Variants in MIA2 observed in about 807,000 individuals in gnomAD.
The protein encoded by MIA2 is MIA SH3 domain ER export factor 2.
A neutral mutation model predicts 167.8 loss-of-function variants in MIA2; 127 were observed. That is an observed-to-expected ratio of 0.76 (90% CI 0.66 to 0.88). The LOEUF (loss-of-function observed/expected upper bound fraction) is 0.88, where lower values mean the gene tolerates loss of function less well. Ranked by LOEUF, MIA2 falls within the 40% of genes least tolerant of loss-of-function variation. The pLI is 0.00. For missense variants in MIA2, 1,690 were observed against 1,624.7 expected, an observed-to-expected ratio of 1.04 and a Z score of -0.69; for synonymous variants, 552 against 541.9, an observed-to-expected ratio of 1.02 and a Z score of -0.26.
chr14:39,344,559 C>G (rs8010635), intron 25 of MIA2, among the ~76,000 whole-genome samples: 141,670 of 152,266 alleles, frequency 0.93, 66,001 homozygotes, highest in East Asian at 0.96. Flanking sequence ...TATTGACTCT[C>G]GTTGATGCCA....
At chr14:39,252,240 G>A (rs1361332545) in intron 4 of MIA2, among the ~76,000 whole-genome samples, 3 of 152,130 alleles carry the variant, frequency 2.0e-5, no homozygotes, top group African/African-American at 4.8e-5. Flanking sequence ...CCTTGCAGAT[G>A]TGATTAGGGA....
rs774373731 is a variant in MIA2 at position 39,247,170 on chromosome 14, T to C, written c.596T>C (p.Val199Ala). Reference sequence around the variant, plus strand: ...AGTGAATCAAAAGACTGGGAAGAAGTAGTTGTTGAAAGTATGGAACAGGAT... The same window carrying C: ...AGTGAATCAAAAGACTGGGAAGAAGCAGTTGTTGAAAGTATGGAACAGGAT... ...STSESKDWEE[V>A]VVESMEQDRI... Residue 199 changes from valine to alanine, a missense_variant, in exon 4 of 29, where the codon GTA becomes GCA. Physicochemically the swap from Val to Ala is moderately conservative, Grantham distance 64. Coordinates refer to ENST00000640607, the MANE Select transcript of MIA2 (RefSeq NM_001329214.4). The C allele has an allele frequency of 1.9e-6, 3 of 1,613,990 alleles. No individual in the cohort carries two copies. Among genetic ancestry groups the C allele is most frequent in the Non-Finnish European group, 2.5e-6 (3 of 1,180,010 alleles).
At position 39,234,127 on chromosome 14, in the gene MIA2, G is replaced by A. The variant is rs1162180340; in HGVS notation, c.13G>A (p.Gly5Ser). Reference sequence around the variant, plus strand: ...TGCTTGTTTTAGCATGGCAAAATTTGGCGTTCACAGAATCCTTCTTCTGGC... The same window carrying A: ...TGCTTGTTTTAGCATGGCAAAATTTAGCGTTCACAGAATCCTTCTTCTGGC... The part of the protein sequence containing the change: MAKF[G>S]VHRILLLAIS... The change falls in exon 1 of 29, where the codon GGC becomes AGC. Residue 5 changes from glycine (G) to serine (S), a missense_variant. Coordinates refer to ENST00000640607, the MANE Select transcript of MIA2 (RefSeq NM_001329214.4). 2 of 1,601,706 alleles carry A rather than the reference G, an allele frequency of 1.2e-6. No homozygotes were observed. The highest frequency in any genetic ancestry group is 4.6e-5 in the East Asian group (2 of 43,890).
intron 23 of MIA2, among the ~76,000 whole-genome samples, chr14:39,319,923 G>A (rs1426767264): frequency 6.6e-6 from 1 of 151,896 alleles, no homozygotes; most frequent in Non-Finnish European, 1.5e-5. Flanking sequence ...AGCTTCTAAG[G>A]TACTGAAAAA....
chr14:39,301,669 C>T (rs1369713922), intron 14 of MIA2, among the ~76,000 whole-genome samples: 7 of 152,310 alleles, frequency 4.6e-5, no homozygotes, highest in Non-Finnish European at 8.8e-5. Flanking sequence ...CTCTAATGTT[C>T]CATTCAAATT....
intron 23 of MIA2, among the ~76,000 whole-genome samples, chr14:39,377,894 C>A (rs1010099912): frequency 6.6e-6 from 1 of 151,958 alleles, no homozygotes; most frequent in Non-Finnish European, 1.5e-5. Context: ...TGGGTGAATT[C>A]TTCTCTTTTT....
chr14:39,253,844 A>G (rs1407826584), intron 6 of MIA2, among the ~76,000 whole-genome samples: 1 of 152,174 alleles, frequency 6.6e-6, no homozygotes, highest in Non-Finnish European at 1.5e-5. Flanking sequence ...TTGCAAAAGG[A>G]CTAGCTGTAG....
chr14:39,247,362 A>C lies in MIA2; in HGVS notation c.788A>C (p.Asp263Ala), dbSNP rs2054360298. The change falls in exon 4 of 29, where the codon GAC (aspartate) becomes GCC (alanine). Residue 263 changes from aspartate to alanine, a missense_variant. By Grantham distance (126) the Asp-to-Ala change is moderately radical. Coordinates refer to ENST00000640607, the MANE Select transcript of MIA2 (RefSeq NM_001329214.4). ...SRKIAVEDENDLEELNNGEPQ... is the reference protein window; with the variant it reads ...SRKIAVEDENALEELNNGEPQ... ...AAAATAGCAGTGGAAGATGAGAATG[A>C]CCTAGAGGAATTAAATAATGGTGAG... The C allele has an allele frequency of 6.2e-7, 1 of 1,614,122 alleles. No homozygotes were observed. Among genetic ancestry groups the C allele is most frequent in the Admixed American group, 1.7e-5 (1 of 60,016 alleles).
chr14:39,294,859 T>G (rs1409775552), intron 12 of MIA2, 66 bp from the exon 13 acceptor site: 1 of 1,007,372 alleles, frequency 9.9e-7, no homozygotes, highest in African/African-American at 1.6e-5. Flanking sequence ...TTCTAGGGAG[T>G]ATGTGTAAAG....
intron 17 of MIA2, among the ~76,000 whole-genome samples, chr14:39,306,920 A>G (rs534514514): frequency 6.6e-6 from 1 of 152,312 alleles, no homozygotes; most frequent in African/African-American, 2.4e-5. Context: ...GGTTTTTAAA[A>G]AAATTGATGC....
chr14:39,321,084 C>G, intron 24 of MIA2, 28 bp downstream of exon 24: 2 of 1,584,272 alleles, frequency 1.3e-6, no homozygotes, highest in South Asian at 2.3e-5. Context: ...CTTTATTACT[C>G]TAGATTTCTT....
chr14:39,279,600 G>C (rs1386076868), intron 9 of MIA2, 63 bp downstream of exon 9: 1 of 1,039,204 alleles, frequency 9.6e-7, no homozygotes, highest in Non-Finnish European at 1.4e-6. Context: ...TCTCACTGTA[G>C]GTACTTCTGT....
chr14:39,283,074 C>T (rs1023221287), intron 9 of MIA2, among the ~76,000 whole-genome samples: 5 of 152,204 alleles, frequency 3.3e-5, no homozygotes, highest in Non-Finnish European at 5.9e-5. Context: ...GCAGGATCTC[C>T]ACCTTTTTAT....
chr14:39,241,910 T>C (rs2054059830), intron 3 of MIA2, among the ~76,000 whole-genome samples: 1 of 152,184 alleles, frequency 6.6e-6, no homozygotes, highest in African/African-American at 2.4e-5. Flanking sequence ...TCTGGACTTT[T>C]GACTGTTCTT....
chr14:39,318,065 T>C, intron 22 of MIA2, 54 bp downstream of exon 22: 1 of 1,288,354 alleles, frequency 7.8e-7, no homozygotes, highest in African/African-American at 1.5e-5. Flanking sequence ...TTTCGTTAAT[T>C]AGGTAATACT....
chr14:39,298,443 A>ATGTATATATATATATATATATATATATGT lies in MIA2; in HGVS notation c.2497-1421_2497-1420insTGTATATATATATATATATATATATATGT, dbSNP rs1372100362. Among the ~76,000 whole-genome samples the ATGTATATATATATATATATATATATATGT allele has an allele frequency of 4.0e-5, 2 of 50,056 alleles. 1 individual carries two copies. The highest frequency in any genetic ancestry group is 7.1e-5 in the Non-Finnish European group (2 of 28,260). The allele number at this position is 50,056 out of a possible 152,430, so 32.8% of individuals were successfully genotyped here. A position where few individuals can be genotyped will look rare whatever the true frequency, so the allele number is the denominator to read the frequency against. On this transcript the variant is annotated intron_variant, in intron 13 of 28. Coordinates refer to ENST00000640607, the MANE Select transcript of MIA2 (RefSeq NM_001329214.4). ...TATATATATATATATATATATATAT[A>ATGTATATATATATATATATATATATATGT]AAGATTAGTTTTTCATGTGTTCGGA...
intron 16 of MIA2, 139 bp downstream of exon 16, chr14:39,303,663 C>T: frequency 1.8e-6 from 1 of 566,178 alleles, no homozygotes; most frequent in Non-Finnish European, 3.0e-6. Context: ...TTTTCATCAT[C>T]AATTGCTTTT....
chr14:39,266,617 A>T, intron 6 of MIA2: 1 of 985,482 alleles, frequency 1.0e-6, no homozygotes, highest in Non-Finnish European at 1.2e-6. Context: ...CTTCCTGTCT[A>T]AAGTCCAAAG....
intron 23 of MIA2, among the ~76,000 whole-genome samples, chr14:39,373,510 C>A (rs2074990691): frequency 6.6e-6 from 1 of 152,164 alleles, no homozygotes; most frequent in Non-Finnish European, 1.5e-5. Flanking sequence ...TGATAAGAAT[C>A]CATTAGGATG....
Sources: gnomAD v4.1 joint callset for allele counts (sites outside exome capture counted in the v4.1 genomes callset) on GRCh38, gnomAD v4.1.1 for gene constraint, MANE v1.5 for transcripts, NCBI Gene and HGNC (gene_info 2026-07-23, HGNC 2026-07-21) for gene names.